NTRK3: variants seen among roughly 807,000 people sequenced by gnomAD.
NTRK3 encodes the protein neurotrophic receptor tyrosine kinase 3.
Under a neutral mutation model 91.7 loss-of-function variants are expected in NTRK3, and 24 were observed. That is an observed-to-expected ratio of 0.26 (90% confidence interval 0.19 to 0.37). NTRK3 has a LOEUF of 0.37. Among genes scored for constraint, NTRK3 ranks in the 10% least tolerant of loss-of-function variants. The pLI, the probability that NTRK3 is intolerant of heterozygous loss-of-function variation, is 1.00. For synonymous variants in NTRK3, 483 were observed against 404.0 expected, an observed-to-expected ratio of 1.20 and a Z score of -2.34; for missense variants, 880 against 1,068.9, an observed-to-expected ratio of 0.82 and a Z score of 2.46.
intron 5 of NTRK3, among the ~76,000 whole-genome samples, chr15:88,165,928 G>T (rs2044896251): frequency 6.6e-6 from 1 of 152,178 alleles, no homozygotes; most frequent in Non-Finnish European, 1.5e-5. Context: ...TGGGGACTTG[G>T]TTCTATACTA....
At chr15:87,950,892 T>G (rs1449049967) in intron 14 of NTRK3, among the ~76,000 whole-genome samples, 3 of 152,184 alleles carry the variant, frequency 2.0e-5, no homozygotes, top group African/African-American at 7.2e-5. Context: ...ATGAAGAGAT[T>G]AAGTGTTTAA....
chr15:87,947,439 C>G (rs1268760696), intron 14 of NTRK3, among the ~76,000 whole-genome samples: 1 of 152,162 alleles, frequency 6.6e-6, no homozygotes, highest in Non-Finnish European at 1.5e-5. Context: ...CCAATAACAT[C>G]TGTAAAGAGA....
At chr15:88,057,451 T>C (rs1407372257) in intron 13 of NTRK3, among the ~76,000 whole-genome samples, 1 of 151,128 alleles carries the variant, frequency 6.6e-6, no homozygotes, top group Non-Finnish European at 1.5e-5. Context: ...TGAGCTGAGA[T>C]TGTGCCACTG....
chr15:88,229,357 C>A (rs972682527), intron 3 of NTRK3, among the ~76,000 whole-genome samples: 5 of 152,184 alleles, frequency 3.3e-5, no homozygotes, highest in East Asian at 1.9e-4. Context: ...TCTGCCTGAT[C>A]TTTACACTCA....
chr15:88,087,416 T>G (rs1313058316), intron 13 of NTRK3, among the ~76,000 whole-genome samples: 1 of 152,172 alleles, frequency 6.6e-6, no homozygotes, highest in African/African-American at 2.4e-5. Flanking sequence ...TGTGCCCCTC[T>G]TGCTAGAGGA....
chr15:88,242,113 G>A (rs1024868824), intron 3 of NTRK3, among the ~76,000 whole-genome samples: 6 of 152,204 alleles, frequency 3.9e-5, no homozygotes, highest in African/African-American at 1.4e-4. Context: ...ACACTGATGC[G>A]TGGCTTTCCT....
chr15:88,096,878 G>A (rs2049665046), intron 13 of NTRK3, among the ~76,000 whole-genome samples: 1 of 152,106 alleles, frequency 6.6e-6, no homozygotes, highest in Middle Eastern at 3.2e-3. Context: ...AATGCATCCT[G>A]GAATCACCTC....
chr15:88,111,962 A>G (rs1447592190), intron 13 of NTRK3, among the ~76,000 whole-genome samples: 2 of 148,722 alleles, frequency 1.3e-5, no homozygotes, highest in Non-Finnish European at 1.5e-5. Flanking sequence ...GCTGGAGTGC[A>G]GTGGCACGAT....
At chr15:88,150,584 G>T (rs1386897069) in intron 5 of NTRK3, among the ~76,000 whole-genome samples, 1 of 152,004 alleles carries the variant, frequency 6.6e-6, no homozygotes, top group Non-Finnish European at 1.5e-5. Context: ...GGATGGAATG[G>T]CTGAAGCACT....
intron 5 of NTRK3, among the ~76,000 whole-genome samples, chr15:88,153,233 CTTTAT>C (rs2043558239): frequency 6.6e-6 from 1 of 151,972 alleles, no homozygotes; most frequent in Non-Finnish European, 1.5e-5. Flanking sequence ...CCCTTTTCTT[CTTTAT>C]TTTTTGTTTT....
At chr15:88,105,059 T>C (rs1198145569) in intron 13 of NTRK3, among the ~76,000 whole-genome samples, 3 of 152,214 alleles carry the variant, frequency 2.0e-5, no homozygotes, top group African/African-American at 7.2e-5. Flanking sequence ...AGGCTGTGCA[T>C]GGGCTCTGAT....
chr15:87,931,663 T>A (rs2068807116), intron 16 of NTRK3, among the ~76,000 whole-genome samples: 1 of 152,226 alleles, frequency 6.6e-6, no homozygotes, highest in Non-Finnish European at 1.5e-5. Flanking sequence ...GAATCCAGGT[T>A]TAGAAGGCTT....
intron 5 of NTRK3, among the ~76,000 whole-genome samples, chr15:88,160,008 A>T (rs1453131914): frequency 6.8e-6 from 1 of 146,564 alleles, no homozygotes; most frequent in African/African-American, 2.5e-5. Flanking sequence ...CTTGAACTTC[A>T]TGCCTGGTGA....
At chr15:87,934,938 T>G (rs2069135567) in intron 15 of NTRK3, among the ~76,000 whole-genome samples, 1 of 152,266 alleles carries the variant, frequency 6.6e-6, no homozygotes, top group African/African-American at 2.4e-5. Flanking sequence ...GGAGGCTTCA[T>G]AAAAATACTG....
exon 19 of NTRK3, chr15:87,874,215 T>TC: frequency 4.5e-6 from 1 of 223,100 alleles, no homozygotes; most frequent in South Asian, 1.8e-4. Flanking sequence ...TAAATCTTTT[T>TC]TTTTTAATCT....
intron 10 of NTRK3, 142 bp from the exon 11 acceptor site, chr15:88,128,876 A>T (rs1251609859): frequency 1.3e-6 from 1 of 763,600 alleles, no homozygotes; most frequent in Non-Finnish European, 2.4e-6. Flanking sequence ...AATGCATGGC[A>T]CATCACCCGT....
intron 14 of NTRK3, among the ~76,000 whole-genome samples, chr15:88,013,617 C>A (rs779060206): frequency 2.0e-5 from 3 of 152,196 alleles, no homozygotes; most frequent in Non-Finnish European, 4.4e-5. Context: ...AGTTTCCTTC[C>A]TTTTCAATGC....
intron 9 of NTRK3, among the ~76,000 whole-genome samples, 195 bp from the exon 10 acceptor site, chr15:88,135,592 T>C (rs1482853601): frequency 6.6e-6 from 1 of 152,138 alleles, no homozygotes; most frequent in African/African-American, 2.4e-5. Context: ...AGATCCACCT[T>C]AGCTGGAGGG....
intron 4 of NTRK3, among the ~76,000 whole-genome samples, 170 bp from the exon 5 acceptor site, chr15:88,183,659 G>A (rs1208235560): frequency 1.3e-5 from 2 of 152,198 alleles, no homozygotes; most frequent in Non-Finnish European, 2.9e-5. Context: ...GTTGCTCAGT[G>A]GAGGCACCTG....
Sources: gnomAD v4.1 joint callset for allele counts (sites outside exome capture counted in the v4.1 genomes callset) on GRCh38, gnomAD v4.1.1 for gene constraint, MANE v1.5 for transcripts, NCBI Gene and HGNC (gene_info 2026-07-23, HGNC 2026-07-21) for gene names.